Variants in DCDC2C observed in about 807,000 individuals in gnomAD.
DCDC2C encodes doublecortin domain-containing protein 2C.
Under a neutral mutation model 45.0 loss-of-function variants are expected in DCDC2C, and 44 were observed. The observed-to-expected ratio is 0.98, with a 90% CI of 0.77 to 1.26. The LOEUF (loss-of-function observed/expected upper bound fraction) is 1.26, where lower values mean the gene tolerates loss of function less well. DCDC2C is among the 50% of genes most tolerant of loss of function. The pLI, the probability that DCDC2C is intolerant of heterozygous loss-of-function variation, is 0.00. For missense variants in DCDC2C, 447 were observed against 468.9 expected (o/e 0.95, Z 0.43); for synonymous variants, 187 against 178.8 (o/e 1.05, Z -0.37).
At chr2:3,741,165 C>A (rs1023907845) in intron 3 of DCDC2C, among the ~76,000 whole-genome samples, 2 of 152,270 alleles carry the variant, frequency 1.3e-5, no homozygotes, top group East Asian at 3.9e-4. Flanking sequence ...TAAACTAACA[C>A]CCCTAAGATT....
At chr2:3,794,820 A>G (rs1307388572) in intron 10 of DCDC2C, among the ~76,000 whole-genome samples, 1 of 152,188 alleles carries the variant, frequency 6.6e-6, no homozygotes, top group Admixed American at 6.5e-5. Flanking sequence ...TGCCTCAATA[A>G]ACATACGTGT....
intron 10 of DCDC2C, among the ~76,000 whole-genome samples, chr2:3,813,231 C>T (rs1293857312): frequency 3.3e-5 from 5 of 151,666 alleles, no homozygotes; most frequent in African/African-American, 7.3e-5. Flanking sequence ...GCCACCATGC[C>T]TGGCTAATTT....
chr2:3,768,783 AG>A (rs1043332261), intron 7 of DCDC2C, among the ~76,000 whole-genome samples: 4 of 152,192 alleles, frequency 2.6e-5, no homozygotes, highest in African/African-American at 4.8e-5. Context: ...CATGGTGCCC[AG>A]GCTGGTCTTG....
rs535858481 is a variant in DCDC2C at position 3,746,639 on chromosome 2, C to T, written c.545+4591C>T. On this transcript the variant is annotated intron_variant, in intron 4 of 10. Transcript: ENST00000399143. ...CTGCACCGTACACTATTCTAGGAGC[C>T]GGGAGGTGATAAACAATCAAACAAA... Among the ~76,000 whole-genome samples, 8 of 152,252 alleles carry T rather than the reference C, an allele frequency of 5.3e-5. No homozygotes were observed. The South Asian group carries it at 8.3e-4, about 16-fold the overall frequency.
intron 3 of DCDC2C, among the ~76,000 whole-genome samples, chr2:3,739,456 A>G (rs1248406422): frequency 6.6e-6 from 1 of 152,170 alleles, no homozygotes; most frequent in Admixed American, 6.5e-5. Context: ...CAGAGACAGA[A>G]ATGGCTGGAC....
Position 3,744,960 on chromosome 2 carries a change from G to T in DCDC2C, c.545+2912G>T, listed in dbSNP as rs116365885. Among the ~76,000 whole-genome samples, 278 of 152,242 alleles carry T rather than the reference G, an allele frequency of 1.8e-3. 2 individuals are homozygous for T. Among genetic ancestry groups the T allele is most frequent in the African/African-American group, 6.1e-3 (252 of 41,512 alleles). Reference sequence around the variant, plus strand: ...CTGTGTATACTTCTGGGAGAAGCTAGAAATGATAGTGGAAGAAATCTATTA... The same window carrying T: ...CTGTGTATACTTCTGGGAGAAGCTATAAATGATAGTGGAAGAAATCTATTA... On this transcript the variant is annotated intron_variant, in intron 4 of 10. Transcript: ENST00000399143.
At chr2:3,769,914 T>G (rs1670118651) in intron 8 of DCDC2C, among the ~76,000 whole-genome samples, 1 of 152,214 alleles carries the variant, frequency 6.6e-6, no homozygotes, top group South Asian at 2.1e-4. Flanking sequence ...TGCAGGTCTG[T>G]GTGTGGCCTG....
chr2:3,820,919 G>A (rs945222517), intron 10 of DCDC2C, among the ~76,000 whole-genome samples: 6 of 152,286 alleles, frequency 3.9e-5, no homozygotes, highest in African/African-American at 7.2e-5. Flanking sequence ...TCTCCAGAAG[G>A]AGTCCTCCTG....
intron 10 of DCDC2C, among the ~76,000 whole-genome samples, chr2:3,790,494 T>G (rs1670774977): frequency 6.6e-6 from 1 of 152,184 alleles, no homozygotes; most frequent in Admixed American, 6.5e-5. Flanking sequence ...AGTGGAGGGT[T>G]TTCATTTAAT....
At chr2:3,742,766 A>T (rs901470481) in intron 4 of DCDC2C, among the ~76,000 whole-genome samples, 2 of 152,220 alleles carry the variant, frequency 1.3e-5, no homozygotes, top group African/African-American at 2.4e-5. Flanking sequence ...GAGTGTGTTG[A>T]GGGAGCACGA....
At chr2:3,740,124 A>G (rs1423319981) in intron 3 of DCDC2C, among the ~76,000 whole-genome samples, 1 of 152,218 alleles carries the variant, frequency 6.6e-6, no homozygotes, top group Admixed American at 6.5e-5. Flanking sequence ...CATTAATTAT[A>G]TCTGACCGTT....
chr2:3,736,606 G>T (rs924794825), intron 3 of DCDC2C, among the ~76,000 whole-genome samples: 22 of 152,168 alleles, frequency 1.4e-4, no homozygotes, highest in Non-Finnish European at 1.5e-4. Context: ...TTCTCCCCAC[G>T]AGCCAGCAAA....
At position 3,847,743 on chromosome 2, in the gene DCDC2C, C is replaced by T. The variant is rs1672367896; in HGVS notation, c.*560C>T. On this transcript the variant is annotated 3_prime_UTR_variant, in exon 11 of 11. Transcript: ENST00000399143. ...AATCCCCATGTGTTGGAGGAGGGGG[C>T]CGGTGGGAGGTGATTGAATCATGGG... 6.6e-6 allele frequency among the ~76,000 whole-genome samples: 1 copy of T among 152,106 alleles called. No homozygotes were observed.
chr2:3,736,168 AT>A (rs1458463725), intron 3 of DCDC2C, among the ~76,000 whole-genome samples: 3 of 152,190 alleles, frequency 2.0e-5, no homozygotes, highest in Non-Finnish European at 1.5e-5. Flanking sequence ...GGGAACATAG[AT>A]GAGAGGGAAG....
At chr2:3,754,514 A>G in intron 5 of DCDC2C, 78 bp from the exon 6 acceptor site, 2 of 1,433,928 alleles carry the variant, frequency 1.4e-6, no homozygotes, top group Non-Finnish European at 1.9e-6. Flanking sequence ...TCCTAAAGAC[A>G]AGGCTGCAGT....
intron 10 of DCDC2C, among the ~76,000 whole-genome samples, chr2:3,822,457 A>G (rs192268501): frequency 4.5e-4 from 69 of 152,196 alleles, no homozygotes; most frequent in Admixed American, 1.1e-3. Context: ...TGAAGTCAAT[A>G]GTGTTATTCC....
intron 2 of DCDC2C, among the ~76,000 whole-genome samples, chr2:3,716,394 C>T (rs1359381523): frequency 6.6e-6 from 1 of 151,838 alleles, no homozygotes; most frequent in Non-Finnish European, 1.5e-5. Flanking sequence ...GAGATGCTGA[C>T]CAGACAAGGG....
intron 5 of DCDC2C, among the ~76,000 whole-genome samples, chr2:3,754,022 C>G (rs1359453336): frequency 6.6e-6 from 1 of 152,138 alleles, no homozygotes; most frequent in Non-Finnish European, 1.5e-5. Flanking sequence ...CTATCTGCCC[C>G]CTACGTGTTT....
In DCDC2C at chr2:3,751,823, T is replaced by C. The variant is rs187963164; in HGVS notation, c.546-940T>C. On this transcript the variant is annotated intron_variant, in intron 4 of 10. Transcript: ENST00000399143. The stretch of plus-strand genomic sequence containing the variant: ...TCACATCCTGGCCACAGCTGCCCGC[T>C]CACTAGTGCTAAAACATAGCCCTTA... 1.4e-4 allele frequency among the ~76,000 whole-genome samples: 22 copies of C among 152,304 alleles called. No homozygotes were observed. In the East Asian group the frequency reaches 4.3e-3, roughly 29 times the overall value.
Sources: allele counts gnomAD v4.1 joint callset (sites outside exome capture counted in the v4.1 genomes callset), GRCh38; gene constraint gnomAD v4.1.1; transcripts MANE v1.5; gene names NCBI Gene and HGNC (gene_info 2026-07-23, HGNC 2026-07-21).